USP43: variants seen among roughly 807,000 people sequenced by gnomAD.
USP43 encodes the protein ubiquitin carboxyl-terminal hydrolase 43.
A neutral mutation model predicts 90.7 loss-of-function variants in USP43; 33 were observed. That is an observed-to-expected ratio of 0.36 (90% CI 0.28 to 0.49). The LOEUF is 0.49. USP43 is among the 20% of genes least tolerant of loss of function. The probability of loss-of-function intolerance (pLI) is 0.98; values close to 1 mark genes in which losing one functional copy is unlikely to be tolerated. For missense variants in USP43, 1,274 were observed against 1,476.4 expected, an observed-to-expected ratio of 0.86 and a Z score of 2.25; for synonymous variants, 598 against 615.8, an observed-to-expected ratio of 0.97 and a Z score of 0.43.
At chr17:9,651,808 G>A (rs1911881354) in intron 1 of USP43, among the ~76,000 whole-genome samples, 1 of 152,034 alleles carries the variant, frequency 6.6e-6, no homozygotes, top group Non-Finnish European at 1.5e-5. Context: ...AAAATAGTAA[G>A]ACATAAAATG....
At chr17:9,700,366 C>A in intron 10 of USP43, 117 bp downstream of exon 10, 4 of 903,938 alleles carry the variant, frequency 4.4e-6, no homozygotes, top group Non-Finnish European at 6.7e-6. Context: ...CATCTTTGAG[C>A]CAGTGTAACC....
chr17:9,722,594 T>C (rs1917026375), intron 14 of USP43, among the ~76,000 whole-genome samples: 1 of 152,218 alleles, frequency 6.6e-6, no homozygotes. Flanking sequence ...GGTCACAAAG[T>C]AGCAATTTGT....
At chr17:9,696,969 C>T (rs774376785) in intron 9 of USP43, among the ~76,000 whole-genome samples, 1 of 152,274 alleles carries the variant, frequency 6.6e-6, no homozygotes, top group Non-Finnish European at 1.5e-5. Context: ...ATAATCCCAG[C>T]ACTTGGGGAG....
chr17:9,677,470 G>A (rs184047375), intron 5 of USP43, among the ~76,000 whole-genome samples: 29 of 152,350 alleles, frequency 1.9e-4, no homozygotes, highest in Non-Finnish European at 2.9e-4. Context: ...TATAACATGA[G>A]AGAGAACATC....
chr17:9,719,052 C>T (rs1916776611), intron 14 of USP43, among the ~76,000 whole-genome samples: 1 of 152,054 alleles, frequency 6.6e-6, no homozygotes, highest in South Asian at 2.1e-4. Flanking sequence ...CACTTGAACC[C>T]AGTAGGTGGA....
chr17:9,647,094 AAAAAAAG>A (rs1219198658), intron 1 of USP43: 1 of 147,116 alleles, frequency 6.8e-6, no homozygotes, highest in African/African-American at 2.7e-5. Context: ...AAAAAAAGAA[AAAAAAAG>A]AAGAAGAAAC....
At position 9,686,990 on chromosome 17, in the gene USP43, G is replaced by T; in HGVS notation, c.1353+81G>T. The T allele has an allele frequency of 7.5e-7, 1 of 1,326,088 alleles. No homozygotes were observed. The highest frequency in any genetic ancestry group is 1.3e-5 in the South Asian group (1 of 78,414). 82.1% of individuals were successfully genotyped at this position (1,326,088 alleles called of 1,614,324 possible). ...GTGTGTGGGTGTGTGTATTGGGAGG[G>T]GTGGAATTTAGTGTAGCCCAGGAGA... On this transcript the variant is annotated intron_variant, in intron 8 of 14. Transcript: ENST00000285199. The surrounding 1 kb of genome is among the most constrained non-coding windows in gnomAD (Gnocchi z 5.5).
At chr17:9,706,703 G>T (rs1915902431) in intron 12 of USP43, among the ~76,000 whole-genome samples, 1 of 125,998 alleles carries the variant, frequency 7.9e-6, no homozygotes, top group African/African-American at 3.0e-5. Flanking sequence ...GAGTGCAATT[G>T]CACGATATCG....
intron 14 of USP43, among the ~76,000 whole-genome samples, chr17:9,725,675 G>A (rs370074371): frequency 6.6e-6 from 1 of 152,166 alleles, no homozygotes; most frequent in Non-Finnish European, 1.5e-5. Context: ...GGCATCTGTG[G>A]TTCCCATGAA....
rs1916082872 is a variant in USP43 at position 9,709,783 on chromosome 17, G to GT, written c.2012-172dup. ...CACTTGTTATAGTAAGAATCCGAGG[G>GT]TATAACTTACTGATCTTTTCTGATT... On this transcript the variant is annotated intron_variant, in intron 12 of 14. Transcript: ENST00000285199. This position sits in a 1 kb window ranked among gnomAD's most constrained non-coding sequence, Gnocchi z 5.0. Among the ~76,000 whole-genome samples the GT allele has an allele frequency of 6.6e-6, 1 of 152,022 alleles. No individual in the cohort carries two copies. Among genetic ancestry groups the GT allele is most frequent in the Non-Finnish European group, 1.5e-5 (1 of 68,006 alleles).
At chr17:9,714,864 T>G (rs1916411082) in intron 14 of USP43, among the ~76,000 whole-genome samples, 1 of 152,094 alleles carries the variant, frequency 6.6e-6, no homozygotes. Context: ...AGCAGCCAAC[T>G]GTACTGGATG....
chr17:9,728,013 G>A lies in USP43; in HGVS notation c.2395G>A (p.Ala799Thr). The A allele has an allele frequency of 6.2e-7, 1 of 1,613,456 alleles. No individual in the cohort carries two copies. Among genetic ancestry groups the A allele is most frequent in the Non-Finnish European group, 8.5e-7 (1 of 1,179,484 alleles). Residue 799 changes from alanine (A) to threonine (T), a missense_variant, in exon 15 of 15, where the codon GCA becomes ACA. Ala to Thr is a moderately conservative substitution (Grantham distance 58). This residue lies in a region of USP43 where 285 missense variants were observed against 349.6 expected (regional missense o/e 0.82). Transcript: ENST00000285199. The surrounding 1 kb of genome is among the most constrained non-coding windows in gnomAD (Gnocchi z 6.2). ...GVKGRSISMK[A>T]PTTSRAKQGP... ...GAAAGGCAGAAGCATTAGCATGAAG[G>A]CACCCACCACTTCCCGAGCCAAGCA...
At chr17:9,717,967 T>A (rs1408208050) in intron 14 of USP43, among the ~76,000 whole-genome samples, 1 of 151,918 alleles carries the variant, frequency 6.6e-6, no homozygotes, top group Non-Finnish European at 1.5e-5. Flanking sequence ...CAGCTAATTT[T>A]TGTATTTTTA....
intron 8 of USP43, among the ~76,000 whole-genome samples, chr17:9,690,590 A>C (rs1407141067): frequency 1.3e-5 from 2 of 152,192 alleles, no homozygotes; most frequent in East Asian, 3.9e-4. Context: ...TACCTATTAA[A>C]AAACTAAAAT....
chr17:9,691,259 C>T (rs1194223429), intron 8 of USP43, among the ~76,000 whole-genome samples: 2 of 151,502 alleles, frequency 1.3e-5, no homozygotes, highest in African/African-American at 2.4e-5. Context: ...GGATTACAGG[C>T]ACCCGCCACC....
At chr17:9,712,219 G>C in intron 14 of USP43, 87 bp downstream of exon 14, 2 of 1,394,630 alleles carry the variant, frequency 1.4e-6, no homozygotes, top group Non-Finnish European at 1.9e-6. Flanking sequence ...TCACTTCGTA[G>C]TCTTGAATGG....
At chr17:9,649,589 C>T (rs1911713608) in intron 1 of USP43, among the ~76,000 whole-genome samples, 1 of 150,484 alleles carries the variant, frequency 6.6e-6, no homozygotes, top group South Asian at 2.1e-4. Flanking sequence ...CCATGTGTAC[C>T]CAAGATTTAG....
chr17:9,692,134 G>A (rs908304224), intron 8 of USP43, among the ~76,000 whole-genome samples: 5 of 151,732 alleles, frequency 3.3e-5, no homozygotes, highest in African/African-American at 7.3e-5. Flanking sequence ...CGAGGTGGGC[G>A]GATCGCGTGA....
At chr17:9,726,548 A>G (rs893681571) in intron 14 of USP43, among the ~76,000 whole-genome samples, 3 of 152,314 alleles carry the variant, frequency 2.0e-5, no homozygotes, top group Admixed American at 6.5e-5. Context: ...GTGTCCTCAC[A>G]TGGCAGGAAG....
Sources: allele counts gnomAD v4.1 joint callset (sites outside exome capture counted in the v4.1 genomes callset), GRCh38; gene constraint gnomAD v4.1.1; regional missense constraint gnomAD v4.1.1; non-coding constraint Gnocchi (gnomAD v3.1); transcripts MANE v1.5; gene names NCBI Gene and HGNC (gene_info 2026-07-23, HGNC 2026-07-21).